Variants in PGD observed in about 807,000 individuals in gnomAD.
PGD encodes 6-phosphogluconate dehydrogenase, decarboxylating.
A neutral mutation model predicts 60.4 loss-of-function variants in PGD; 21 were observed. The ratio of observed to expected loss-of-function variants is 0.35; its 90% CI spans 0.25 to 0.50. The LOEUF (loss-of-function observed/expected upper bound fraction) is 0.50. PGD is among the 20% of genes least tolerant of loss of function. PGD has a pLI of 0.98. For missense variants in PGD, 477 were observed against 613.1 expected, an observed-to-expected ratio of 0.78 and a Z score of 2.34; for synonymous variants, 230 against 235.9, an observed-to-expected ratio of 0.97 and a Z score of 0.23.
At chr1:10,400,341 C>T in intron 2 of PGD, 52 bp from the exon 3 acceptor site, 1 of 1,388,694 alleles carries the variant, frequency 7.2e-7, no homozygotes, top group Non-Finnish European at 1.0e-6. Flanking sequence ...TGGCCACAGT[C>T]TGAAAGTCTT....
chr1:10,399,499 G>C (rs1199371498), intron 1 of PGD, 130 bp from the exon 2 acceptor site: 1 of 841,702 alleles, frequency 1.2e-6, no homozygotes. Context: ...CCGGCTTCTG[G>C]GGGCCCGCGG....
At chr1:10,410,788 C>T (rs1569983410) in intron 6 of PGD, among the ~76,000 whole-genome samples, 1 of 152,026 alleles carries the variant, frequency 6.6e-6, no homozygotes, top group African/African-American at 2.4e-5. Flanking sequence ...CATTCATTAA[C>T]GGGTATTCTG....
intron 10 of PGD, 92 bp downstream of exon 10, chr1:10,417,601 G>C: frequency 7.5e-7 from 1 of 1,328,120 alleles, no homozygotes; most frequent in Non-Finnish European, 1.0e-6. Context: ...GCAGTTTCCA[G>C]GGATGGGCAC....
intron 1 of PGD, 33 bp from the exon 2 acceptor site, chr1:10,399,596 A>C: frequency 1.2e-6 from 2 of 1,601,214 alleles, no homozygotes; most frequent in Non-Finnish European, 8.5e-7. Flanking sequence ...AGCGGTGCTG[A>C]CTCTTTCCTT....
intron 3 of PGD, among the ~76,000 whole-genome samples, chr1:10,401,390 G>C (rs1200596206): frequency 6.6e-6 from 1 of 152,130 alleles, no homozygotes; most frequent in African/African-American, 2.4e-5. Flanking sequence ...AAAAAACCCA[G>C]GCACTCCCAT....
chr1:10,403,264 C>A (rs1231621411), intron 4 of PGD, 128 bp downstream of exon 4: 9 of 672,862 alleles, frequency 1.3e-5, no homozygotes, highest in Admixed American at 2.3e-5. Flanking sequence ...ACTACTGATA[C>A]AATAGTTCTC....
chr1:10,415,640 G>T (rs1639582677), intron 8 of PGD, among the ~76,000 whole-genome samples: 1 of 152,190 alleles, frequency 6.6e-6, no homozygotes, highest in Admixed American at 6.5e-5. Context: ...CAGGAGAGAG[G>T]TAGCTGCTTT....
chr1:10,413,284 T>C, intron 8 of PGD, 33 bp downstream of exon 8: 1 of 1,575,446 alleles, frequency 6.3e-7, no homozygotes. Context: ...GGCCCTTTCG[T>C]CCACTATTCT....
Position 10,408,685 on chromosome 1 carries a change from C to T in PGD, c.519+545C>T, listed in dbSNP as rs576919116. On this transcript the variant is annotated intron_variant, in intron 6 of 12. Transcript: ENST00000270776. ...GTACAGTGGTGCGATCTTGGCTCAC[C>T]GCAACCTCCACCTCCCAGGCTCAAG... Among the ~76,000 whole-genome samples, 7 of 152,258 alleles carry T rather than the reference C, an allele frequency of 4.6e-5. No homozygotes were observed. The South Asian group carries it at 6.2e-4, about 14-fold the overall frequency.
At chr1:10,400,637 T>G (rs1037591959) in intron 3 of PGD, 65 bp downstream of exon 3, 10 of 1,298,888 alleles carry the variant, frequency 7.7e-6, no homozygotes, top group Non-Finnish European at 1.1e-5. Flanking sequence ...TTCCTTTAGT[T>G]CTCCTTCTTT....
chr1:10,402,119 T>G (rs1424613674), intron 3 of PGD, among the ~76,000 whole-genome samples: 1 of 152,218 alleles, frequency 6.6e-6, no homozygotes, highest in Non-Finnish European at 1.5e-5. Context: ...AGGCTCTGTC[T>G]CTTCCTGACC....
intron 3 of PGD, among the ~76,000 whole-genome samples, chr1:10,402,588 T>C (rs1639334208): frequency 6.6e-6 from 1 of 151,328 alleles, no homozygotes; most frequent in Admixed American, 6.6e-5. Flanking sequence ...AGTGTTGCGA[T>C]CTCAGCTCAC....
chr1:10,410,535 C>T (rs1639483038), intron 6 of PGD, among the ~76,000 whole-genome samples: 1 of 151,962 alleles, frequency 6.6e-6, no homozygotes, highest in Admixed American at 6.6e-5. Flanking sequence ...AGAGAGACTG[C>T]CCAGGTCATC....
At chr1:10,402,197 C>T (rs1480903857) in intron 3 of PGD, among the ~76,000 whole-genome samples, 1 of 152,048 alleles carries the variant, frequency 6.6e-6, no homozygotes, top group African/African-American at 2.4e-5. Context: ...ACTGAATCCC[C>T]ACTCTCTTCT....
At chr1:10,415,089 T>TA (rs34918542) in intron 8 of PGD, among the ~76,000 whole-genome samples, 45,939 of 142,062 alleles carry the variant, frequency 0.32, 7,210 homozygotes, top group Admixed American at 0.37. Context: ...AGACTCCGCC[T>TA]AAAAAAAAAA....
chr1:10,416,611 C>G (rs926989634), intron 8 of PGD, among the ~76,000 whole-genome samples: 2 of 152,050 alleles, frequency 1.3e-5, no homozygotes, highest in Admixed American at 1.3e-4. Flanking sequence ...AGGTTGAGTC[C>G]GAAGAGTCAG....
Position 10,419,832 on chromosome 1 carries a change from C to G in PGD, c.*83C>G, listed in dbSNP as rs1639661695. On this transcript the variant is annotated 3_prime_UTR_variant, in exon 13 of 13. Transcript: ENST00000270776. ...ATGGCACTGCCACCTGGCCCTTTGC[C>G]CTATTTTCTGTTCAGTTTTTTAAAA... is the stretch of plus-strand genomic sequence containing the variant. The G allele has an allele frequency of 6.6e-7, 1 of 1,514,416 alleles. No individual in the cohort carries two copies. Among genetic ancestry groups the G allele is most frequent in the African/African-American group, 1.4e-5 (1 of 72,592 alleles). The allele number at this position is 1,514,416 out of a possible 1,614,324, so 93.8% of individuals were successfully genotyped here.
At chr1:10,414,172 GT>G (rs1192312279) in intron 8 of PGD, among the ~76,000 whole-genome samples, 2 of 152,142 alleles carry the variant, frequency 1.3e-5, no homozygotes, top group Non-Finnish European at 2.9e-5. Flanking sequence ...AGTCCTCGTT[GT>G]TTTGCTAAGT....
At chr1:10,401,897 C>T (rs1271122224) in intron 3 of PGD, among the ~76,000 whole-genome samples, 2 of 151,998 alleles carry the variant, frequency 1.3e-5, no homozygotes, top group African/African-American at 4.8e-5. Flanking sequence ...TGCCTGTAGT[C>T]CCAGCTACTT....
Sources: gnomAD v4.1 joint callset for allele counts (sites outside exome capture counted in the v4.1 genomes callset) on GRCh38, gnomAD v4.1.1 for gene constraint, MANE v1.5 for transcripts, NCBI Gene and HGNC (gene_info 2026-07-23, HGNC 2026-07-21) for gene names.